The following ING5 variants were observed in gnomAD, a reference collection of about 807,000 sequenced individuals.
The protein encoded by ING5 is inhibitor of growth protein 5.
A neutral mutation model predicts 37.4 loss-of-function variants in ING5; 17 were observed. The ratio of observed to expected loss-of-function variants is 0.45; its 90% CI spans 0.31 to 0.68. The LOEUF (loss-of-function observed/expected upper bound fraction) is 0.68. Ranked by LOEUF, ING5 falls within the 30% of genes least tolerant of loss-of-function variation. The pLI, the probability that ING5 is intolerant of heterozygous loss-of-function variation, is 0.05. For missense variants in ING5, 233 were observed against 311.9 expected, an observed-to-expected ratio of 0.75 and a Z score of 1.91; for synonymous variants, 123 against 116.6, an observed-to-expected ratio of 1.06 and a Z score of -0.36.
chr2:241,702,858 C>T (rs1409752269), intron 1 of ING5, among the ~76,000 whole-genome samples: 1 of 152,246 alleles, frequency 6.6e-6, no homozygotes, highest in Non-Finnish European at 1.5e-5. Flanking sequence ...GACGTCGGCC[C>T]GGGATGGGCA....
intron 1 of ING5, among the ~76,000 whole-genome samples, chr2:241,703,294 G>A (rs990932025): frequency 1.3e-5 from 2 of 152,200 alleles, no homozygotes; most frequent in African/African-American, 4.8e-5. Flanking sequence ...ATAAGATAGA[G>A]TTAGGTTTAA....
upstream of ING5, among the ~76,000 whole-genome samples, chr2:241,699,885 G>T (rs184453075): frequency 3.3e-3 from 501 of 152,326 alleles, 2 homozygotes; most frequent in Middle Eastern, 0.02. Flanking sequence ...AGTGGGAAGA[G>T]GAGTGACATG....
At position 241,709,203 on chromosome 2, in the gene ING5, A is replaced by G; in HGVS notation, c.110-13A>G. The G allele has an allele frequency of 1.2e-6, 2 of 1,605,382 alleles. No individual in the cohort carries two copies. The highest frequency in any genetic ancestry group is 2.2e-5 in the South Asian group (2 of 90,146). Reference sequence around the variant, plus strand: ...CTTGTGCAGGGCTAGCTTTTCCCCCATTTCTCCATCAGATAAGAAAGCAGA... The same window carrying G: ...CTTGTGCAGGGCTAGCTTTTCCCCCGTTTCTCCATCAGATAAGAAAGCAGA... On this transcript the variant is annotated splice_polypyrimidine_tract_variant and intron_variant, in intron 2 of 7. Transcript: ENST00000313552.
chr2:241,697,107 A>C (rs959455044), upstream of ING5, among the ~76,000 whole-genome samples: 3 of 150,650 alleles, frequency 2.0e-5, no homozygotes, highest in Non-Finnish European at 3.0e-5. Context: ...TAATATAATA[A>C]TCAAAAATTG....
chr2:241,718,139 A>G (rs1297656142), intron 5 of ING5, among the ~76,000 whole-genome samples: 4 of 151,772 alleles, frequency 2.6e-5, no homozygotes, highest in African/African-American at 9.7e-5. Flanking sequence ...CAGCCTTCCA[A>G]GTAGCTGGGA....
intron 3 of ING5, 145 bp downstream of exon 3, chr2:241,709,527 G>A (rs2070037988): frequency 1.0e-5 from 7 of 684,442 alleles, no homozygotes; most frequent in South Asian, 1.9e-5. Flanking sequence ...AAGTGCAGAC[G>A]GAATACACTT....
intron 1 of ING5, among the ~76,000 whole-genome samples, chr2:241,689,327 C>T (rs1180579060): frequency 1.3e-5 from 2 of 152,196 alleles, no homozygotes; most frequent in East Asian, 3.9e-4. Flanking sequence ...CCAGGCCGGT[C>T]TCAAATTCCT....
At chr2:241,718,201 C>T (rs990865690) in intron 5 of ING5, among the ~76,000 whole-genome samples, 6 of 151,882 alleles carry the variant, frequency 4.0e-5, no homozygotes, top group East Asian at 1.9e-4. Context: ...TTAGTAGAGT[C>T]GGGGTTTCAG....
At chr2:241,704,569 A>T in intron 1 of ING5, 84 bp from the exon 2 acceptor site, 1 of 820,080 alleles carries the variant, frequency 1.2e-6, no homozygotes, top group Non-Finnish European at 1.9e-6. Context: ...ACTCCATCTC[A>T]AAAAAAAAAG....
chr2:241,711,598 T>C (rs2070113414), intron 4 of ING5, 110 bp downstream of exon 4: 1 of 847,408 alleles, frequency 1.2e-6, no homozygotes, highest in Non-Finnish European at 1.8e-6. Context: ...AGTATCATAT[T>C]TGGGTAAACC....
In ING5 at chr2:241,724,626, G is replaced by A. The variant is rs973667332; in HGVS notation, c.681-363G>A. ...TGGGTTTCCGTGGGCCTGAGGGGCT[G>A]CCATGCTCTCAACGCGTGCTTGGTA... On this transcript the variant is annotated intron_variant, in intron 7 of 7. Coordinates refer to ENST00000313552, the MANE Select transcript of ING5 (RefSeq NM_032329.6). 4.8e-5 allele frequency: 14 copies of A among 294,486 alleles called. No individual in the cohort carries two copies. In the South Asian group the frequency reaches 6.3e-4, roughly 13 times the overall value. 18.2% of individuals were successfully genotyped at this position (294,486 alleles called of 1,614,324 possible). A position where few individuals can be genotyped will look rare whatever the true frequency, so the allele number is the denominator to read the frequency against.
chr2:241,709,562 T>TTTG (rs1559304781), intron 3 of ING5, among the ~76,000 whole-genome samples, 180 bp downstream of exon 3: 1 of 150,652 alleles, frequency 6.6e-6, no homozygotes, highest in Admixed American at 6.7e-5. Context: ...CCTGTTTTTT[T>TTTG]TTTTTTTTTT....
At chr2:241,702,140 G>GCGGAGTCCTCCGTGC (rs2069749723) in intron 1 of ING5, 38 bp downstream of exon 1, 2 of 1,244,700 alleles carry the variant, frequency 1.6e-6, no homozygotes, top group Non-Finnish European at 2.0e-6. Context: ...CGCCGCCCAC[G>GCGGAGTCCTCCGTGC]CGGAGTCCTC....
At chr2:241,713,082 G>A (rs2070162129) in intron 5 of ING5, among the ~76,000 whole-genome samples, 1 of 149,840 alleles carries the variant, frequency 6.7e-6, no homozygotes, top group Non-Finnish European at 1.5e-5. Flanking sequence ...TTGAGATGGG[G>A]TTTCGCTCTT....
exon 1 of ING5, chr2:241,687,929 T>C (rs1203938677): frequency 6.6e-6 from 1 of 152,194 alleles, no homozygotes; most frequent in African/African-American, 2.4e-5. Context: ...ATGTGGGTCA[T>C]GATGATAATA....
intron 7 of ING5, 137 bp from the exon 8 acceptor site, chr2:241,724,852 C>T (rs1196937377): frequency 1.3e-5 from 10 of 793,608 alleles, no homozygotes; most frequent in East Asian, 2.5e-5. Context: ...AGGGCCGCGG[C>T]CCCACTGCGT....
intron 2 of ING5, chr2:241,694,036 T>G (rs1192429281): frequency 6.6e-6 from 1 of 151,938 alleles, no homozygotes; most frequent in African/African-American, 2.4e-5. Flanking sequence ...GAAGACAAAT[T>G]GATCTCTGGG....
chr2:241,703,967 ATGCAC>A (rs1439603140), intron 1 of ING5, among the ~76,000 whole-genome samples: 2 of 152,108 alleles, frequency 1.3e-5, no homozygotes, highest in African/African-American at 4.8e-5. Flanking sequence ...ACACTGCTCA[ATGCAC>A]TGGATTTCTG....
At chr2:241,717,904 T>C (rs1272983513) in intron 5 of ING5, among the ~76,000 whole-genome samples, 3 of 152,236 alleles carry the variant, frequency 2.0e-5, no homozygotes, top group African/African-American at 7.2e-5. Flanking sequence ...CTCTTCCTGC[T>C]GTCCAGCTCC....
Sources: allele counts gnomAD v4.1 joint callset (sites outside exome capture counted in the v4.1 genomes callset), GRCh38; gene constraint gnomAD v4.1.1; transcripts MANE v1.5; gene names NCBI Gene and HGNC (gene_info 2026-07-23, HGNC 2026-07-21).